The following BRINP1 variants were observed in gnomAD, a reference collection of about 807,000 sequenced individuals.
BRINP1 encodes BMP/retinoic acid-inducible neural-specific protein 1.
Under a neutral mutation model 72.9 loss-of-function variants are expected in BRINP1, and 17 were observed. The ratio of observed to expected loss-of-function variants is 0.23; its 90% CI spans 0.16 to 0.35. The LOEUF (loss-of-function observed/expected upper bound fraction) is 0.35, where lower values mean the gene tolerates loss of function less well. Ranked by LOEUF, BRINP1 falls within the 10% of genes least tolerant of loss-of-function variation. The pLI, the probability that BRINP1 is intolerant of heterozygous loss-of-function variation, is 1.00. For synonymous variants in BRINP1, 418 were observed against 378.5 expected, an observed-to-expected ratio of 1.10 and a Z score of -1.21; for missense variants, 850 against 1,001.6, an observed-to-expected ratio of 0.85 and a Z score of 2.04.
At chr9:119,280,830 C>A (rs927140456) in intron 2 of BRINP1, among the ~76,000 whole-genome samples, 2 of 152,142 alleles carry the variant, frequency 1.3e-5, no homozygotes, top group African/African-American at 4.8e-5. Context: ...TCTAGTAATA[C>A]AGCAAGTGAG....
intron 2 of BRINP1, among the ~76,000 whole-genome samples, chr9:119,297,670 C>A (rs1220760152): frequency 6.6e-6 from 1 of 151,998 alleles, no homozygotes; most frequent in African/African-American, 2.4e-5. Context: ...TGAAATGAAC[C>A]CTAACAGGAT....
In BRINP1 at chr9:119,249,082, G is replaced by C; in HGVS notation, c.287C>G (p.Pro96Arg). The C allele has an allele frequency of 1.2e-6, 2 of 1,614,074 alleles. No homozygotes were observed. The highest frequency in any genetic ancestry group is 1.7e-6 in the Non-Finnish European group (2 of 1,180,022). The change falls in exon 3 of 8, where the codon CCC (proline) becomes CGC (arginine). Residue 96 changes from proline (P) to arginine (R), a missense_variant. Transcript: ENST00000265922. The part of the protein sequence containing the change: ...ERRDLVRHPV[P>R]LMPEFQRSIR... ...GCTCCTTTGAAACTCCGGCATGAGGGGCACTGGATGGCGGACCAGATCTCT... is the reference window on the plus strand; with the variant it reads ...GCTCCTTTGAAACTCCGGCATGAGGCGCACTGGATGGCGGACCAGATCTCT...
intron 7 of BRINP1, among the ~76,000 whole-genome samples, chr9:119,188,968 CA>C (rs1340813195): frequency 6.6e-6 from 1 of 151,640 alleles, no homozygotes; most frequent in Non-Finnish European, 1.5e-5. Flanking sequence ...TTAAAATGAC[CA>C]AAAATGACTG....
intron 3 of BRINP1, among the ~76,000 whole-genome samples, chr9:119,244,517 C>G (rs1303192930): frequency 6.6e-6 from 1 of 152,072 alleles, no homozygotes; most frequent in Non-Finnish European, 1.5e-5. Flanking sequence ...GATGAACAGA[C>G]AGCTGAGTGG....
chr9:119,212,955 T>A (rs1415545904), intron 6 of BRINP1, among the ~76,000 whole-genome samples: 1 of 152,190 alleles, frequency 6.6e-6, no homozygotes, highest in Admixed American at 6.5e-5. Context: ...CAATCTAACA[T>A]CAAGCTCTGC....
intron 2 of BRINP1, among the ~76,000 whole-genome samples, chr9:119,282,635 T>C (rs1026425416): frequency 2.0e-5 from 3 of 152,180 alleles, no homozygotes; most frequent in East Asian, 3.9e-4. Context: ...ACTGTTATTG[T>C]TACAGAAAAG....
intron 7 of BRINP1, among the ~76,000 whole-genome samples, chr9:119,191,332 A>G (rs1829681507): frequency 6.6e-6 from 1 of 151,876 alleles, no homozygotes; most frequent in Non-Finnish European, 1.5e-5. Flanking sequence ...ATCAGAAAGG[A>G]AGAAGTAGAA....
At chr9:119,275,634 C>T (rs1011326664) in intron 2 of BRINP1, among the ~76,000 whole-genome samples, 3 of 152,156 alleles carry the variant, frequency 2.0e-5, no homozygotes, top group Non-Finnish European at 4.4e-5. Context: ...CCAAGTCCAT[C>T]CATACTATAA....
chr9:119,317,797 G>A (rs1021546763), intron 1 of BRINP1, among the ~76,000 whole-genome samples: 3 of 152,162 alleles, frequency 2.0e-5, no homozygotes, highest in Non-Finnish European at 2.9e-5. Context: ...CAACATTGAG[G>A]CAAGACCTTC....
intron 2 of BRINP1, among the ~76,000 whole-genome samples, chr9:119,302,131 G>C (rs1162948955): frequency 1.3e-5 from 2 of 152,192 alleles, no homozygotes; most frequent in Non-Finnish European, 2.9e-5. Context: ...AAGGATGCTT[G>C]ATATTTATTG....
intron 7 of BRINP1, among the ~76,000 whole-genome samples, chr9:119,202,447 C>T (rs1407703801): frequency 6.6e-6 from 1 of 152,146 alleles, no homozygotes; most frequent in Non-Finnish European, 1.5e-5. Flanking sequence ...CCCACAGTGA[C>T]CCTCTGAGAT....
intron 1 of BRINP1, among the ~76,000 whole-genome samples, chr9:119,337,311 G>A (rs555678388): frequency 6.6e-6 from 1 of 152,264 alleles, no homozygotes; most frequent in South Asian, 2.1e-4. Flanking sequence ...AGGGAATACG[G>A]TGACAAATCG....
intron 7 of BRINP1, among the ~76,000 whole-genome samples, chr9:119,190,412 T>TAA (rs200553535): frequency 6.1e-5 from 8 of 131,582 alleles, no homozygotes; most frequent in African/African-American, 1.7e-4. Context: ...CTAGCTAGAC[T>TAA]AAAAAAAAAA....
chr9:119,238,365 G>A (rs1170552944), intron 5 of BRINP1, among the ~76,000 whole-genome samples: 1 of 151,742 alleles, frequency 6.6e-6, no homozygotes, highest in Non-Finnish European at 1.5e-5. Flanking sequence ...AGACACCAAA[G>A]AAATGTAGAT....
At chr9:119,224,241 T>C (rs1018223845) in intron 5 of BRINP1, among the ~76,000 whole-genome samples, 2 of 152,018 alleles carry the variant, frequency 1.3e-5, no homozygotes, top group African/African-American at 2.4e-5. Context: ...CGAGTTTGCA[T>C]AGGAACAAAA....
intron 1 of BRINP1, among the ~76,000 whole-genome samples, chr9:119,357,254 C>CAT (rs141040889): frequency 0.011 from 1,691 of 152,238 alleles, 24 homozygotes; most frequent in Non-Finnish European, 0.017. Flanking sequence ...TGTGCACGTG[C>CAT]ATGTGTGTGT....
In BRINP1 at chr9:119,368,172, C is replaced by T. The variant is rs886543267; in HGVS notation, c.-51+884G>A. ...CCAAAACCAACAGAAGCCGGAGGGG[C>T]TCTGTTGATTGCAAACGGGGATGCA... On this transcript the variant is annotated intron_variant, in intron 1 of 7. Coordinates refer to ENST00000265922, the MANE Select transcript of BRINP1 (RefSeq NM_014618.3). This position sits in a 1 kb window ranked among gnomAD's most constrained non-coding sequence, Gnocchi z 4.7. Among the ~76,000 whole-genome samples the T allele has an allele frequency of 6.6e-6, 1 of 152,224 alleles. No homozygotes were observed. Among genetic ancestry groups the T allele is most frequent in the African/African-American group, 2.4e-5 (1 of 41,456 alleles).
chr9:119,228,873 G>A (rs562452303), intron 5 of BRINP1, among the ~76,000 whole-genome samples: 33 of 152,220 alleles, frequency 2.2e-4, no homozygotes, highest in African/African-American at 5.3e-4. Flanking sequence ...TCAGGCAAGC[G>A]TCAGTCCTAA....
chr9:119,362,100 G>A (rs1442859264), intron 1 of BRINP1, among the ~76,000 whole-genome samples: 2 of 146,928 alleles, frequency 1.4e-5, no homozygotes, highest in Non-Finnish European at 3.0e-5. Context: ...TTACAGGCGT[G>A]AGCCACCATG....
Sources: gnomAD v4.1 joint callset for allele counts (sites outside exome capture counted in the v4.1 genomes callset) on GRCh38, gnomAD v4.1.1 for gene constraint, Gnocchi (gnomAD v3.1) non-coding constraint, MANE v1.5 for transcripts, NCBI Gene and HGNC (gene_info 2026-07-23, HGNC 2026-07-21) for gene names.